COLEC11: variants seen among roughly 807,000 people sequenced by gnomAD.
The protein encoded by COLEC11 is collectin-11.
A neutral mutation model predicts 27.3 loss-of-function variants in COLEC11; 20 were observed. The ratio of observed to expected loss-of-function variants is 0.73; its 90% CI spans 0.51 to 1.06. The LOEUF is 1.06. Among genes scored for constraint, COLEC11 ranks in the 50% least tolerant of loss-of-function variants. The probability of loss-of-function intolerance (pLI) is 0.00; values close to 1 mark genes in which losing one functional copy is unlikely to be tolerated. For missense variants in COLEC11, 310 were observed against 383.0 expected (o/e 0.81, Z 1.59); for synonymous variants, 163 against 154.7 (o/e 1.05, Z -0.40).
chr2:3,607,141 G>C (rs924303142), intron 2 of COLEC11, among the ~76,000 whole-genome samples: 1 of 152,022 alleles, frequency 6.6e-6, no homozygotes, highest in Non-Finnish European at 1.5e-5. Context: ...TTTGGCTGGA[G>C]AATCTTCCTG....
chr2:3,640,208 C>G (rs1665744582), intron 4 of COLEC11, 70 bp from the exon 5 acceptor site: 1 of 929,142 alleles, frequency 1.1e-6, no homozygotes, highest in Non-Finnish European at 1.8e-6. Flanking sequence ...CATTTTCAGT[C>G]TTGATGTTTT....
intron 1 of COLEC11, among the ~76,000 whole-genome samples, chr2:3,596,244 G>A (rs1661826978): frequency 6.6e-6 from 1 of 152,138 alleles, no homozygotes; most frequent in South Asian, 2.1e-4. Flanking sequence ...TGTGGTGCCT[G>A]TAAGATGCTG....
intron 1 of COLEC11, among the ~76,000 whole-genome samples, chr2:3,597,958 T>C (rs950551528): frequency 6.6e-6 from 1 of 152,124 alleles, no homozygotes; most frequent in African/African-American, 2.4e-5. Flanking sequence ...TTTTTGAGAC[T>C]GAGTCTCACT....
chr2:3,600,103 C>T (rs189337700), intron 1 of COLEC11, among the ~76,000 whole-genome samples: 9 of 151,826 alleles, frequency 5.9e-5, no homozygotes, highest in East Asian at 1.9e-4. Context: ...GGCGTGGTGG[C>T]GGGCAGCTGT....
chr2:3,636,067 C>T (rs1467325966), intron 3 of COLEC11, among the ~76,000 whole-genome samples: 1 of 152,208 alleles, frequency 6.6e-6, no homozygotes, highest in Admixed American at 6.5e-5. Context: ...CTTCGCAAAA[C>T]AAGACTAGGA....
chr2:3,613,421 A>G, intron 3 of COLEC11, 39 bp downstream of exon 3: 4 of 1,542,442 alleles, frequency 2.6e-6, no homozygotes, highest in Non-Finnish European at 3.5e-6. Flanking sequence ...AGCTCTGAGG[A>G]TGGAGGCACC....
chr2:3,636,293 A>G (rs201439112), intron 3 of COLEC11, among the ~76,000 whole-genome samples: 1 of 152,206 alleles, frequency 6.6e-6, no homozygotes, highest in Non-Finnish European at 1.5e-5. Context: ...CATCTCTGCT[A>G]AAAATACAAA....
At chr2:3,625,235 G>C (rs1664458318) in intron 3 of COLEC11, among the ~76,000 whole-genome samples, 1 of 152,136 alleles carries the variant, frequency 6.6e-6, no homozygotes, top group African/African-American at 2.4e-5. Context: ...CAGGCTCCGA[G>C]GCCTGTCCCC....
intron 3 of COLEC11, among the ~76,000 whole-genome samples, chr2:3,632,245 G>A (rs922560118): frequency 3.0e-4 from 46 of 152,312 alleles, no homozygotes; most frequent in Admixed American, 2.9e-3. Flanking sequence ...GGAATCACGG[G>A]GCACTGTGTT....
intron 2 of COLEC11, 98 bp downstream of exon 2, chr2:3,604,568 C>T: frequency 7.4e-7 from 1 of 1,350,890 alleles, no homozygotes; most frequent in Non-Finnish European, 1.1e-6. Flanking sequence ...AGCACAAAGC[C>T]CCAGCAAATC....
At position 3,613,401 on chromosome 2, in the gene COLEC11, C is replaced by T. The variant is rs113078399; in HGVS notation, c.202+19C>T. Reference sequence around the variant, plus strand: ...GAAAAAGGTACCTGCAGCCCTGGGCCGGCCCTCAGAGCTCTGAGGATGGAG... The same window carrying T: ...GAAAAAGGTACCTGCAGCCCTGGGCTGGCCCTCAGAGCTCTGAGGATGGAG... On this transcript the variant is annotated intron_variant, in intron 3 of 6. Transcript: ENST00000349077. The T allele has an allele frequency of 4.8e-3, 7,581 of 1,573,660 alleles. 256 individuals are homozygous for T. The African/African-American group carries it at 0.082, about 17-fold the overall frequency.
At chr2:3,641,798 A>G (rs1222904362) in intron 5 of COLEC11, among the ~76,000 whole-genome samples, 1 of 152,098 alleles carries the variant, frequency 6.6e-6, no homozygotes. Context: ...GAGGGATTGA[A>G]CTTCTACAGG....
chr2:3,605,983 T>C lies in COLEC11; in HGVS notation c.130+1513T>C, dbSNP rs529430442. 505 of 1,366,992 alleles carry C rather than the reference T, an allele frequency of 3.7e-4. 4 individuals are homozygous for C. The African/African-American group carries it at 6.5e-3, about 18-fold the overall frequency. 84.7% of individuals were successfully genotyped at this position (1,366,992 alleles called of 1,614,324 possible). A position where few individuals can be genotyped will look rare whatever the true frequency, so the allele number is the denominator to read the frequency against. ...CCTTTGTGCTTTTAATTGTGATAAATGTACCTGCTTTAGAAAATGTTTAAT... is the reference window on the plus strand; with the variant it reads ...CCTTTGTGCTTTTAATTGTGATAAACGTACCTGCTTTAGAAAATGTTTAAT... On this transcript the variant is annotated intron_variant, in intron 2 of 6. Transcript: ENST00000349077.
At chr2:3,600,152 G>A (rs1209128255) in intron 1 of COLEC11, among the ~76,000 whole-genome samples, 2 of 150,852 alleles carry the variant, frequency 1.3e-5, no homozygotes, top group Admixed American at 1.3e-4. Flanking sequence ...GGAGAATGGC[G>A]TGAACCCGGG....
chr2:3,613,836 C>T (rs1021198607), intron 3 of COLEC11, among the ~76,000 whole-genome samples: 1 of 152,168 alleles, frequency 6.6e-6, no homozygotes, highest in Non-Finnish European at 1.5e-5. Context: ...GGAGCTAGAT[C>T]ATACGTGTAA....
chr2:3,613,784 G>T (rs150896930), intron 3 of COLEC11, among the ~76,000 whole-genome samples: 1 of 152,144 alleles, frequency 6.6e-6, no homozygotes, highest in Non-Finnish European at 1.5e-5. Flanking sequence ...TCGTAAAGTC[G>T]TGTGATTCTG....
intron 1 of COLEC11, among the ~76,000 whole-genome samples, chr2:3,603,143 A>G (rs536670424): frequency 3.0e-4 from 46 of 152,256 alleles, no homozygotes; most frequent in African/African-American, 1.1e-3. Context: ...GCGGAGCCCC[A>G]GTCCCAGCTC....
chr2:3,634,825 T>A (rs1024289438), intron 3 of COLEC11, among the ~76,000 whole-genome samples: 2 of 151,738 alleles, frequency 1.3e-5, no homozygotes, highest in African/African-American at 4.8e-5. Context: ...CCCTCTGGTG[T>A]GGGGGCCCTG....
chr2:3,617,961 C>T lies in COLEC11; in HGVS notation c.202+4579C>T, dbSNP rs540095135. ...ATAATTGATGATGTTGACCACCTTT[C>T]CATAAACCTGTTGGACATTTGTATG... On this transcript the variant is annotated intron_variant, in intron 3 of 6. Coordinates refer to ENST00000349077, the MANE Select transcript of COLEC11 (RefSeq NM_024027.5). 4.6e-5 allele frequency among the ~76,000 whole-genome samples: 7 copies of T among 152,204 alleles called. No homozygotes were observed. The South Asian group carries it at 1.2e-3, about 27-fold the overall frequency.
Sources: gnomAD v4.1 joint callset for allele counts (sites outside exome capture counted in the v4.1 genomes callset) on GRCh38, gnomAD v4.1.1 for gene constraint, MANE v1.5 for transcripts, NCBI Gene and HGNC (gene_info 2026-07-23, HGNC 2026-07-21) for gene names.